CAST: variants seen among roughly 807,000 people sequenced by gnomAD.
CAST encodes calpastatin.
In CAST, 76 loss-of-function variants were observed where a neutral mutation model predicts 119.6. That is an observed-to-expected ratio of 0.64 (90% confidence interval 0.53 to 0.77). The LOEUF is 0.77. Ranked by LOEUF, CAST falls within the 30% of genes least tolerant of loss-of-function variation. The probability of loss-of-function intolerance (pLI) is 0.00; values close to 1 mark genes in which losing one functional copy is unlikely to be tolerated. For missense variants in CAST, 953 were observed against 946.5 expected, an observed-to-expected ratio of 1.01 and a Z score of -0.09; for synonymous variants, 319 against 331.6, an observed-to-expected ratio of 0.96 and a Z score of 0.41.
the CAST span, among the ~76,000 whole-genome samples, chr5:96,107,439 C>T: frequency 6.6e-6 from 1 of 151,880 alleles, no homozygotes; most frequent in Non-Finnish European, 1.5e-5. Context: ...AATCTCTCAG[C>T]ATTTGCTTGT....
the CAST span, among the ~76,000 whole-genome samples, chr5:96,187,535 T>A: frequency 1.3e-5 from 2 of 152,224 alleles, no homozygotes; most frequent in Non-Finnish European, 2.9e-5. Flanking sequence ...GGGATTCTGG[T>A]ACATTGTCTC....
intron 1 of CAST, among the ~76,000 whole-genome samples, chr5:96,619,670 C>A (rs542499464): frequency 6.6e-6 from 1 of 152,182 alleles, no homozygotes; most frequent in South Asian, 2.1e-4. Flanking sequence ...GACCACTAAC[C>A]CACCAGAAGG....
intron 3 of CAST, chr5:96,702,840 G>C (rs1421552810): frequency 2.0e-6 from 2 of 985,346 alleles, no homozygotes; most frequent in Admixed American, 6.1e-5. Context: ...CGGAAACCGC[G>C]GGAGCCGAGC....
the CAST span, among the ~76,000 whole-genome samples, chr5:96,264,480 T>G: frequency 2.9e-5 from 4 of 136,536 alleles, 1 homozygote; most frequent in Admixed American, 8.0e-5. Flanking sequence ...TCTTTCTTGA[T>G]AGTCAGGGTC....
chr5:96,369,387 G>A, the CAST span, among the ~76,000 whole-genome samples: 1 of 151,964 alleles, frequency 6.6e-6, no homozygotes. Context: ...GTTTTTGCTT[G>A]TTGGCTTTGT....
the CAST span, among the ~76,000 whole-genome samples, chr5:96,028,340 CAA>C: frequency 4.6e-5 from 7 of 151,512 alleles, no homozygotes; most frequent in African/African-American, 1.7e-4. Flanking sequence ...GTATAATTGA[CAA>C]AATTTGTATG....
At chr5:96,495,122 CAA>C in the CAST span, among the ~76,000 whole-genome samples, 38 of 50,778 alleles carry the variant, frequency 7.5e-4, no homozygotes, top group Non-Finnish European at 1.0e-3. Context: ...GAGACTGTCT[CAA>C]AAAAAAAAAA....
At position 96,636,149 on chromosome 5, in the gene CAST, C is replaced by T. The variant is rs1273602385; in HGVS notation, c.61-39390C>T. Among the ~76,000 whole-genome samples, 3 of 152,172 alleles carry T rather than the reference C, an allele frequency of 2.0e-5. No homozygotes were observed. The East Asian group carries it at 5.8e-4, about 29-fold the overall frequency. ...AAAAGTACTCCCCACTGAGTTTGCT[C>T]CATAGTAAGCACTCTATAGAAGCTA... On this transcript the variant is annotated intron_variant, in intron 1 of 11. Transcript: ENST00000505143.
the CAST span, among the ~76,000 whole-genome samples, chr5:96,172,063 CAA>C: frequency 1.3e-5 from 2 of 151,966 alleles, no homozygotes; most frequent in East Asian, 3.9e-4. Flanking sequence ...GGCTGAGTCT[CAA>C]AAGAGAGTCA....
At chr5:96,406,724 A>G in the CAST span, among the ~76,000 whole-genome samples, 2 of 152,270 alleles carry the variant, frequency 1.3e-5, no homozygotes, top group Admixed American at 6.5e-5. Flanking sequence ...TCTACTGAAT[A>G]TGACATAAGG....
At chr5:96,733,904 A>T (rs1322695312) in intron 9 of CAST, among the ~76,000 whole-genome samples, 1 of 152,134 alleles carries the variant, frequency 6.6e-6, no homozygotes, top group African/African-American at 2.4e-5. Flanking sequence ...AAACTAAATA[A>T]GGTACCATGG....
intron 3 of CAST, among the ~76,000 whole-genome samples, chr5:96,710,022 C>T (rs1755782323): frequency 1.3e-5 from 2 of 152,092 alleles, no homozygotes; most frequent in Admixed American, 6.6e-5. Context: ...TCAAGTGTTC[C>T]TGGGGTTTAG....
chr5:96,669,178 C>T (rs1209508428), intron 1 of CAST, among the ~76,000 whole-genome samples: 1 of 152,242 alleles, frequency 6.6e-6, no homozygotes, highest in Non-Finnish European at 1.5e-5. Context: ...CCCAGGGAGA[C>T]TGTTCTGAAG....
the CAST span, among the ~76,000 whole-genome samples, chr5:96,338,376 A>G: frequency 3.3e-5 from 5 of 152,170 alleles, no homozygotes; most frequent in African/African-American, 1.2e-4. Flanking sequence ...TTCATTTATT[A>G]TCCTATTCTT....
chr5:96,586,330 A>G (rs1299227315), intron 1 of CAST, among the ~76,000 whole-genome samples: 1 of 152,210 alleles, frequency 6.6e-6, no homozygotes, highest in African/African-American at 2.4e-5. Flanking sequence ...ATGGGGTTTT[A>G]AAGGTCCAGG....
intron 1 of CAST, among the ~76,000 whole-genome samples, chr5:96,567,571 T>G (rs11748144): frequency 0.019 from 2,823 of 152,284 alleles, 36 homozygotes; most frequent in Non-Finnish European, 0.023. Flanking sequence ...CTGCTGCTTG[T>G]GTAAACAGGG....
intron 1 of CAST, among the ~76,000 whole-genome samples, chr5:96,552,782 C>T (rs1043418627): frequency 5.9e-5 from 9 of 152,176 alleles, no homozygotes; most frequent in African/African-American, 2.2e-4. Flanking sequence ...CTATAAACAC[C>T]TCTATGCAAA....
the CAST span, among the ~76,000 whole-genome samples, chr5:96,283,991 T>G: frequency 6.6e-6 from 1 of 152,112 alleles, no homozygotes; most frequent in Admixed American, 6.6e-5. Context: ...ACCATTGGAC[T>G]GGGGTAGGGA....
At chr5:96,097,390 T>G in the CAST span, among the ~76,000 whole-genome samples, 1 of 151,872 alleles carries the variant, frequency 6.6e-6, no homozygotes, top group Non-Finnish European at 1.5e-5. Context: ...GTTTGTTATA[T>G]AGGTAAACTT....
Sources: gnomAD v4.1 joint callset for allele counts (sites outside exome capture counted in the v4.1 genomes callset) on GRCh38, gnomAD v4.1.1 for gene constraint, MANE v1.5 for transcripts, NCBI Gene and HGNC (gene_info 2026-07-23, HGNC 2026-07-21) for gene names.